The following SLC4A4 variants were observed in gnomAD, a reference collection of about 807,000 sequenced individuals.
SLC4A4 encodes the protein solute carrier family 4 member 4.
Under a neutral mutation model 111.5 loss-of-function variants are expected in SLC4A4, and 27 were observed. The observed-to-expected ratio is 0.24, with a 90% CI of 0.18 to 0.33. The LOEUF (loss-of-function observed/expected upper bound fraction) is 0.33, where lower values mean the gene tolerates loss of function less well. SLC4A4 is among the 10% of genes least tolerant of loss of function. The pLI is 1.00. For synonymous variants in SLC4A4, 443 were observed against 463.4 expected (o/e 0.96, Z 0.57); for missense variants, 909 against 1,315.5 (o/e 0.69, Z 4.78).
intron 2 of SLC4A4, among the ~76,000 whole-genome samples, chr4:71,143,675 T>A (rs1305281138): frequency 6.6e-6 from 1 of 152,274 alleles, no homozygotes; most frequent in Non-Finnish European, 1.5e-5. Flanking sequence ...ATTGTGGTTT[T>A]GATTTGCATT....
intron 2 of SLC4A4, among the ~76,000 whole-genome samples, chr4:71,138,822 G>A (rs1242570350): frequency 6.6e-6 from 1 of 151,940 alleles, no homozygotes; most frequent in Non-Finnish European, 1.5e-5. Context: ...GGATCACGAG[G>A]TCAGGAGATT....
At chr4:71,215,147 G>T (rs556006417) in intron 1 of SLC4A4, among the ~76,000 whole-genome samples, 1 of 152,270 alleles carries the variant, frequency 6.6e-6, no homozygotes, top group Admixed American at 6.5e-5. Context: ...ACAAATGTTG[G>T]ATCACAAATG....
At chr4:71,209,118 A>G (rs887948992) in intron 1 of SLC4A4, among the ~76,000 whole-genome samples, 1 of 152,240 alleles carries the variant, frequency 6.6e-6, no homozygotes, top group African/African-American at 2.4e-5. Flanking sequence ...TAAGTGTGGC[A>G]TAAGTTACTT....
At chr4:71,361,011 T>C (rs781051378) in intron 6 of SLC4A4, among the ~76,000 whole-genome samples, 1 of 152,092 alleles carries the variant, frequency 6.6e-6, no homozygotes, top group Non-Finnish European at 1.5e-5. Flanking sequence ...GAATCCCAGG[T>C]ACACCCAGGA....
chr4:71,139,179 T>TTGTGTGTGTGTGTGTGTG (rs57359640), intron 2 of SLC4A4, among the ~76,000 whole-genome samples: 5 of 144,438 alleles, frequency 3.5e-5, no homozygotes, highest in African/African-American at 1.0e-4. Context: ...TCCCTTTTCT[T>TTGTGTGTGTGTGTGTGTG]TGTGTGTGTG....
At chr4:71,098,266 A>G (rs1172858182) in intron 2 of SLC4A4, among the ~76,000 whole-genome samples, 2 of 152,092 alleles carry the variant, frequency 1.3e-5, no homozygotes, top group Non-Finnish European at 2.9e-5. Flanking sequence ...TCCCAGCACC[A>G]TTTTATTAAA....
intron 2 of SLC4A4, among the ~76,000 whole-genome samples, chr4:71,107,596 G>T (rs1243032203): frequency 6.6e-6 from 1 of 152,110 alleles, no homozygotes; most frequent in Non-Finnish European, 1.5e-5. Flanking sequence ...ATGATACGCT[G>T]CCTCGGCCTC....
intron 13 of SLC4A4, among the ~76,000 whole-genome samples, chr4:71,472,211 C>T (rs1727939380): frequency 6.6e-6 from 1 of 151,966 alleles, no homozygotes; most frequent in African/African-American, 2.4e-5. Flanking sequence ...ACTCCTTCTT[C>T]TGTAACATTA....
At chr4:71,520,107 A>T (rs1415549643) in intron 16 of SLC4A4, among the ~76,000 whole-genome samples, 1 of 152,206 alleles carries the variant, frequency 6.6e-6, no homozygotes, top group African/African-American at 2.4e-5. Context: ...TAAACATTAT[A>T]CATAAGACAG....
chr4:71,462,415 CTTTTT>C lies in SLC4A4; in HGVS notation c.1498-4010_1498-4006del, dbSNP rs869306669. Among the ~76,000 whole-genome samples the C allele has an allele frequency of 1.2e-4, 15 of 121,896 alleles. No individual in the cohort carries two copies. The South Asian group carries it at 3.2e-3, about 26-fold the overall frequency. The allele number at this position is 121,896 out of a possible 152,430, so 80.0% of individuals were successfully genotyped here. ...AGATTATCCAGTCCAACCTCCTCAT[CTTTTT>C]TTTTTTTTTTTTTTTTTTGAAACTG... On this transcript the variant is annotated intron_variant, in intron 12 of 25. Coordinates refer to ENST00000264485, the MANE Select transcript of SLC4A4 (RefSeq NM_001098484.3).
At chr4:71,378,466 T>C (rs1717750773) in intron 6 of SLC4A4, among the ~76,000 whole-genome samples, 2 of 152,178 alleles carry the variant, frequency 1.3e-5, no homozygotes, top group Admixed American at 6.5e-5. Flanking sequence ...AGACTGTGGT[T>C]TTACAGGAGA....
At chr4:71,297,184 G>C (rs971018101) in intron 3 of SLC4A4, among the ~76,000 whole-genome samples, 13 of 152,162 alleles carry the variant, frequency 8.5e-5, no homozygotes, top group Non-Finnish European at 1.6e-4. Flanking sequence ...ACTTGGCTGT[G>C]GGACAGAGTC....
At chr4:71,297,413 T>C (rs376489302) in intron 3 of SLC4A4, among the ~76,000 whole-genome samples, 2 of 152,046 alleles carry the variant, frequency 1.3e-5, no homozygotes, top group Non-Finnish European at 2.9e-5. Flanking sequence ...TGTTAGAAAC[T>C]GTCTGTCCTT....
chr4:71,103,175 G>T (rs1264598269), intron 2 of SLC4A4, among the ~76,000 whole-genome samples: 1 of 151,370 alleles, frequency 6.6e-6, no homozygotes, highest in Non-Finnish European at 1.5e-5. Context: ...AGACAAAGAA[G>T]GCCATTACAT....
At chr4:71,124,522 GTCTT>G (rs1560732429) in intron 2 of SLC4A4, among the ~76,000 whole-genome samples, 1 of 152,050 alleles carries the variant, frequency 6.6e-6, no homozygotes, top group Non-Finnish European at 1.5e-5. Flanking sequence ...TTGTACATTC[GTCTT>G]TATCAGGTTT....
intron 5 of SLC4A4, among the ~76,000 whole-genome samples, chr4:71,356,278 TA>T (rs1730276952): frequency 1.3e-5 from 2 of 152,082 alleles, no homozygotes; most frequent in East Asian, 3.9e-4. Flanking sequence ...AAAATCATAC[TA>T]AAAAAAGAGT....
intron 15 of SLC4A4, among the ~76,000 whole-genome samples, chr4:71,490,347 T>A (rs1406486582): frequency 1.3e-5 from 2 of 151,838 alleles, no homozygotes; most frequent in Non-Finnish European, 2.9e-5. Context: ...TTTTTTAAAT[T>A]GAGGCATACC....
intron 2 of SLC4A4, among the ~76,000 whole-genome samples, chr4:71,145,249 T>C (rs558647440): frequency 4.6e-4 from 70 of 152,308 alleles, no homozygotes; most frequent in African/African-American, 1.7e-3. Context: ...TGGATTACGT[T>C]TATTGATTTG....
At chr4:71,218,515 T>C (rs1377269975) in intron 1 of SLC4A4, among the ~76,000 whole-genome samples, 1 of 152,196 alleles carries the variant, frequency 6.6e-6, no homozygotes, top group African/African-American at 2.4e-5. Flanking sequence ...AGAATGGTGC[T>C]TAGTGTTCCA....
Sources: allele counts gnomAD v4.1 joint callset (sites outside exome capture counted in the v4.1 genomes callset), GRCh38; gene constraint gnomAD v4.1.1; transcripts MANE v1.5; gene names NCBI Gene and HGNC (gene_info 2026-07-23, HGNC 2026-07-21).